The following KY variants were observed in gnomAD, a reference collection of about 807,000 sequenced individuals.
KY encodes the protein kyphoscoliosis peptidase.
In KY, 43 loss-of-function variants were observed where a neutral mutation model predicts 76.1. The observed-to-expected ratio is 0.57, with a 90% CI of 0.44 to 0.73. The LOEUF is 0.73. KY is among the 30% of genes least tolerant of loss of function. The pLI is 0.00. For synonymous variants in KY, 277 were observed against 326.2 expected (o/e 0.85, Z 1.63); for missense variants, 722 against 828.9 (o/e 0.87, Z 1.58).
intron 6 of KY, among the ~76,000 whole-genome samples, chr3:134,621,961 A>C (rs1962699124): frequency 6.6e-6 from 1 of 152,234 alleles, no homozygotes; most frequent in African/African-American, 2.4e-5. Flanking sequence ...CACATAAAAA[A>C]AAGCTCAACA....
chr3:134,624,906 C>T (rs1418825968), intron 6 of KY, 147 bp downstream of exon 6: 4 of 701,612 alleles, frequency 5.7e-6, no homozygotes, highest in Admixed American at 2.3e-5. Flanking sequence ...CTTCTGTCCC[C>T]ACCCATATGC....
rs2107734903 is a variant in KY at position 134,604,206 on chromosome 3, G to A, written c.1359C>T (p.Gly453=). ...CCATCTGCTCCGAGAACCAGCTGGGGCCCACGGGCTGGTGAAGCTCAGCAG... is the reference window on the plus strand; with the variant it reads ...CCATCTGCTCCGAGAACCAGCTGGGACCCACGGGCTGGTGAAGCTCAGCAG... ...QLPAELHQPV[G]PSWFSEQMGI... Residue 453 remains glycine, a synonymous_variant, in exon 11 of 11, where the codon GGC becomes GGT. Coordinates refer to ENST00000423778, the MANE Select transcript of KY (RefSeq NM_178554.6). 6.2e-7 allele frequency: 1 copy of A among 1,612,694 alleles called. No individual in the cohort carries two copies.
At chr3:134,609,716 C>T (rs1411096441) in intron 9 of KY, among the ~76,000 whole-genome samples, 2 of 152,172 alleles carry the variant, frequency 1.3e-5, no homozygotes. Context: ...AGCACCCCTT[C>T]CCCAAAAACC....
At chr3:134,614,246 T>G (rs1173310333) in intron 8 of KY, among the ~76,000 whole-genome samples, 1 of 152,108 alleles carries the variant, frequency 6.6e-6, no homozygotes, top group African/African-American at 2.4e-5. Flanking sequence ...CCTGAAGAGC[T>G]CCGACCAGCC....
intron 3 of KY, among the ~76,000 whole-genome samples, chr3:134,637,459 C>T (rs1317811761): frequency 6.6e-6 from 1 of 152,196 alleles, no homozygotes; most frequent in East Asian, 1.9e-4. Flanking sequence ...TCATAGGTCA[C>T]AATACACAAT....
intron 3 of KY, among the ~76,000 whole-genome samples, chr3:134,642,385 G>T (rs1186588746): frequency 1.3e-5 from 2 of 152,192 alleles, no homozygotes; most frequent in Non-Finnish European, 2.9e-5. Flanking sequence ...TTATGGCTGA[G>T]CCTGTGAGAA....
intron 1 of KY, among the ~76,000 whole-genome samples, chr3:134,648,168 A>C (rs1966660150): frequency 6.6e-6 from 1 of 152,218 alleles, no homozygotes; most frequent in Non-Finnish European, 1.5e-5. Context: ...AATAAAATTG[A>C]GATCCTGGCG....
Position 134,651,003 on chromosome 3 carries a change from A to G in KY, c.-43T>C, listed in dbSNP as rs777685871. ...GACCTGGGCGCCGCGGCCGCACGCT[A>G]GGCTGCTTGCGCTGCAAATGGCCCC... On this transcript the variant is annotated 5_prime_UTR_variant, in exon 1 of 11. Coordinates refer to ENST00000423778, the MANE Select transcript of KY (RefSeq NM_178554.6). 1.3e-5 allele frequency: 21 copies of G among 1,611,386 alleles called. No homozygotes were observed. Among genetic ancestry groups the G allele is most frequent in the South Asian group, 3.3e-5 (3 of 90,862 alleles).
chr3:134,612,983 T>A (rs1350300156), intron 8 of KY: 1 of 153,716 alleles, frequency 6.5e-6, no homozygotes, highest in Non-Finnish European at 1.5e-5. Context: ...CCATAAATAC[T>A]ACTTAAAATT....
intron 10 of KY, among the ~76,000 whole-genome samples, chr3:134,605,253 C>A (rs1959171551): frequency 6.6e-6 from 1 of 152,160 alleles, no homozygotes; most frequent in South Asian, 2.1e-4. Context: ...TCCTGGCTTC[C>A]AGGGCCACAG....
At chr3:134,622,230 G>A (rs996336736) in intron 6 of KY, among the ~76,000 whole-genome samples, 3 of 152,138 alleles carry the variant, frequency 2.0e-5, no homozygotes, top group Admixed American at 6.5e-5. Flanking sequence ...CAAAAAAACC[G>A]AAGGCAGAGA....
At chr3:134,619,697 T>C (rs1962255719) in intron 7 of KY, among the ~76,000 whole-genome samples, 1 of 152,220 alleles carries the variant, frequency 6.6e-6, no homozygotes, top group Non-Finnish European at 1.5e-5. Flanking sequence ...AGCCTGTCAC[T>C]TCACTAAGGA....
At chr3:134,633,931 C>G (rs1183562677) in intron 3 of KY, among the ~76,000 whole-genome samples, 2 of 152,176 alleles carry the variant, frequency 1.3e-5, no homozygotes, top group Non-Finnish European at 2.9e-5. Context: ...GGTTAACATA[C>G]AAACATCGAT....
At chr3:134,650,123 G>A (rs1162445463) in intron 1 of KY, among the ~76,000 whole-genome samples, 2 of 152,094 alleles carry the variant, frequency 1.3e-5, no homozygotes, top group Admixed American at 6.6e-5. Flanking sequence ...AGAGAGGCCC[G>A]GATCCTGCTT....
intron 9 of KY, 41 bp downstream of exon 9, chr3:134,610,154 C>G: frequency 6.3e-7 from 1 of 1,581,312 alleles, no homozygotes. Flanking sequence ...TCCTCCACTT[C>G]CACCTGCCAG....
intron 3 of KY, among the ~76,000 whole-genome samples, chr3:134,630,760 T>C (rs1282052693): frequency 6.6e-6 from 1 of 152,122 alleles, no homozygotes; most frequent in Non-Finnish European, 1.5e-5. Context: ...CTAGGAAGAC[T>C]CAGGAAAGTC....
At chr3:134,635,493 TAAAAAA>T (rs10647203) in intron 3 of KY, among the ~76,000 whole-genome samples, 1 of 79,352 alleles carries the variant, frequency 1.3e-5, no homozygotes, top group Admixed American at 1.8e-4. Flanking sequence ...CGAGACTCTG[TAAAAAA>T]AAAAAAAAAA....
chr3:134,644,888 A>G (rs1378593695), intron 2 of KY, among the ~76,000 whole-genome samples: 3 of 152,210 alleles, frequency 2.0e-5, no homozygotes, highest in Non-Finnish European at 2.9e-5. Context: ...GCCAAGGGCT[A>G]GGTCCACTGT....
chr3:134,638,130 T>C (rs1238250865), intron 3 of KY, among the ~76,000 whole-genome samples: 2 of 152,164 alleles, frequency 1.3e-5, no homozygotes, highest in African/African-American at 4.8e-5. Flanking sequence ...TCACTTACTG[T>C]TGTGTGAGGG....
Sources: allele counts gnomAD v4.1 joint callset (sites outside exome capture counted in the v4.1 genomes callset), GRCh38; gene constraint gnomAD v4.1.1; transcripts MANE v1.5; gene names NCBI Gene and HGNC (gene_info 2026-07-23, HGNC 2026-07-21).